The following EML4 variants were observed in gnomAD, a reference collection of about 807,000 sequenced individuals.
EML4 encodes echinoderm microtubule-associated protein-like 4.
A neutral mutation model predicts 129.0 loss-of-function variants in EML4; 72 were observed. The observed-to-expected ratio is 0.56, with a 90% CI of 0.46 to 0.68. The LOEUF (loss-of-function observed/expected upper bound fraction) is 0.68. Ranked by LOEUF, EML4 falls within the 30% of genes least tolerant of loss-of-function variation. The probability of loss-of-function intolerance (pLI) is 0.00; values close to 1 mark genes in which losing one functional copy is unlikely to be tolerated. For missense variants in EML4, 1,363 were observed against 1,190.6 expected, an observed-to-expected ratio of 1.14 and a Z score of -2.13; for synonymous variants, 532 against 405.0, an observed-to-expected ratio of 1.31 and a Z score of -3.77.
In EML4 at chr2:42,256,500, G is replaced by T. The variant is rs1310636824; in HGVS notation, c.209-1G>T. 1.3e-6 allele frequency: 2 copies of T among 1,587,800 alleles called. No individual in the cohort carries two copies. The highest frequency in any genetic ancestry group is 1.7e-6 in the Non-Finnish European group (2 of 1,168,746). On this transcript the variant is annotated splice_acceptor_variant, in intron 2 of 22. Transcript: ENST00000318522. LOFTEE classifies it high-confidence loss of function. ...TAATTTTTTTCCTTAATTATCTTTA[G>T]GCCAACCAAGCCCTCGAGCAGTTAT...
chr2:42,219,536 T>C (rs1673423162), intron 1 of EML4, among the ~76,000 whole-genome samples: 1 of 152,198 alleles, frequency 6.6e-6, no homozygotes, highest in Non-Finnish European at 1.5e-5. Context: ...GATTAGAAAA[T>C]GACATTTTGC....
rs185646518 is a variant in EML4, at chr2:42,256,225, G to C, written c.209-276G>C. 1.4e-4 allele frequency among the ~76,000 whole-genome samples: 22 copies of C among 152,254 alleles called. No individual in the cohort carries two copies. The East Asian group carries it at 3.5e-3, about 24-fold the overall frequency. On this transcript the variant is annotated intron_variant, in intron 2 of 22. Coordinates refer to ENST00000318522, the MANE Select transcript of EML4 (RefSeq NM_019063.5). ...GAATCATGTGTTATAAGGCTGCTGT[G>C]TGTGGTAAAGCAAACCATTTAGCTA...
At chr2:42,256,443 T>G (rs1448308276) in intron 2 of EML4, 58 bp from the exon 3 acceptor site, 6 of 1,512,276 alleles carry the variant, frequency 4.0e-6, no homozygotes, top group Non-Finnish European at 5.3e-6. Flanking sequence ...TTTTAAAATT[T>G]AGATCTTTAA....
chr2:42,304,567 G>C lies in EML4; in HGVS notation c.1967+16G>C, dbSNP rs115690499. 1,930 of 1,598,788 alleles carry C rather than the reference G, an allele frequency of 1.2e-3. 19 individuals carry two copies. The African/African-American group carries it at 0.023, about 19-fold the overall frequency. Reference sequence around the variant, plus strand: ...ACTCAGGCAGGTAGGGTCTTTAAGTGAACTGAGTAATCTGAAGTGGTGGGA... The same window carrying C: ...ACTCAGGCAGGTAGGGTCTTTAAGTCAACTGAGTAATCTGAAGTGGTGGGA... On this transcript the variant is annotated intron_variant, in intron 17 of 22. Transcript: ENST00000318522.
At chr2:42,234,907 A>G (rs1674562804) in intron 1 of EML4, among the ~76,000 whole-genome samples, 2 of 152,214 alleles carry the variant, frequency 1.3e-5, no homozygotes, top group South Asian at 4.1e-4. Context: ...TTGTAATCCC[A>G]ACACTTTGGG....
In EML4 at chr2:42,332,148, A is replaced by G. The variant is rs13375; in HGVS notation, c.*1941A>G. On this transcript the variant is annotated 3_prime_UTR_variant, in exon 23 of 23. Coordinates refer to ENST00000318522, the MANE Select transcript of EML4 (RefSeq NM_019063.5). ...TGACATGAACAGGCAGTTCTTGGAG[A>G]AGAAAGAGCATTTCTTTAAGTACCT... The G allele has an allele frequency of 0.18, 40,016 of 220,662 alleles. 4,285 individuals are homozygous for G. The highest frequency in any genetic ancestry group is 0.33 in the African/African-American group (14,761 of 44,608). The allele number at this position is 220,662 out of a possible 1,614,324, so 13.7% of individuals were successfully genotyped here.
rs759320760 is a variant in EML4 at position 42,280,861 on chromosome 2, A to G, written c.679A>G (p.Ile227Val). The G allele has an allele frequency of 3.7e-6, 6 of 1,608,228 alleles. No individual in the cohort carries two copies. The Admixed American group carries it at 8.6e-5, about 23-fold the overall frequency. ...TTGTGTTTCAACAGAAGGAGAATAT[A>G]TTAAAATGTTTATGCGCGGTCGGCC... Reference protein sequence around the residue: ...DVIINQEGEYIKMFMRGRPIT... With the variant: ...DVIINQEGEYVKMFMRGRPIT... The change falls in exon 7 of 23, where the codon ATT (isoleucine) becomes GTT (valine). Residue 227 changes from isoleucine to valine, a missense_variant. By Grantham distance (29) the Ile-to-Val change is conservative. Transcript: ENST00000318522.
chr2:42,281,031 G>C (rs1666976481), intron 7 of EML4, 58 bp downstream of exon 7: 5 of 1,327,076 alleles, frequency 3.8e-6, no homozygotes, highest in Non-Finnish European at 5.1e-6. Flanking sequence ...TAACAAATCA[G>C]TTAACGTATT....
chr2:42,232,137 C>T (rs1384173793), intron 1 of EML4, among the ~76,000 whole-genome samples: 2 of 152,050 alleles, frequency 1.3e-5, no homozygotes, highest in Non-Finnish European at 2.9e-5. Flanking sequence ...ATCATAGAAA[C>T]AGCTGAGACT....
chr2:42,326,410 C>A (rs1669813920), intron 21 of EML4, among the ~76,000 whole-genome samples, 158 bp downstream of exon 21: 2 of 152,204 alleles, frequency 1.3e-5, no homozygotes, highest in South Asian at 4.2e-4. Context: ...AGGATTGAAC[C>A]AACATGGGAT....
chr2:42,330,430 A>G lies in EML4; in HGVS notation c.*223A>G. On this transcript the variant is annotated 3_prime_UTR_variant, in exon 23 of 23. Coordinates refer to ENST00000318522, the MANE Select transcript of EML4 (RefSeq NM_019063.5). The stretch of plus-strand genomic sequence containing the variant: ...ATTAACCAAACTTAATACTAGGAGA[A>G]GACTGAATCATTAATGATGTCTCAC... 1 of 611,986 alleles carries G rather than the reference A, an allele frequency of 1.6e-6. No individual in the cohort carries two copies. Among genetic ancestry groups the G allele is most frequent in the East Asian group, 2.9e-5 (1 of 34,700 alleles). 37.9% of individuals were successfully genotyped at this position (611,986 alleles called of 1,614,324 possible). A position where few individuals can be genotyped will look rare whatever the true frequency, so the allele number is the denominator to read the frequency against.
chr2:42,199,393 G>A (rs1421339442), intron 1 of EML4, among the ~76,000 whole-genome samples: 2 of 152,178 alleles, frequency 1.3e-5, no homozygotes, highest in Non-Finnish European at 2.9e-5. Flanking sequence ...TATGTAATTT[G>A]GAGAGTGACT....
intron 17 of EML4, among the ~76,000 whole-genome samples, chr2:42,307,390 C>G (rs972051656): frequency 6.6e-6 from 1 of 152,148 alleles, no homozygotes; most frequent in East Asian, 1.9e-4. Flanking sequence ...TGCTGGCAGT[C>G]CATTTGGGGA....
At chr2:42,216,741 G>A (rs1673218190) in intron 1 of EML4, among the ~76,000 whole-genome samples, 1 of 152,144 alleles carries the variant, frequency 6.6e-6, no homozygotes, top group African/African-American at 2.4e-5. Context: ...TCACTGAATG[G>A]CTGGACTGCT....
At chr2:42,232,919 G>C (rs1012541809) in intron 1 of EML4, among the ~76,000 whole-genome samples, 1 of 152,064 alleles carries the variant, frequency 6.6e-6, no homozygotes, top group Admixed American at 6.6e-5. Context: ...TAGAGATGGG[G>C]TTTCACCGTG....
chr2:42,328,285 C>T (rs1025772823), intron 21 of EML4, among the ~76,000 whole-genome samples: 6 of 152,086 alleles, frequency 3.9e-5, no homozygotes, highest in South Asian at 2.1e-4. Flanking sequence ...AAATTATGTT[C>T]GACATGATCA....
At chr2:42,232,910 A>G (rs1430089586) in intron 1 of EML4, among the ~76,000 whole-genome samples, 1 of 152,064 alleles carries the variant, frequency 6.6e-6, no homozygotes, top group Non-Finnish European at 1.5e-5. Context: ...ATTTTTTAGT[A>G]GAGATGGGGT....
In EML4 at chr2:42,330,533, C is replaced by T; in HGVS notation, c.*326C>T. The T allele has an allele frequency of 2.2e-6, 1 of 461,538 alleles. No individual in the cohort carries two copies. Among genetic ancestry groups the T allele is most frequent in the East Asian group, 3.9e-5 (1 of 25,868 alleles). The allele number at this position is 461,538 out of a possible 1,614,324, so 28.6% of individuals were successfully genotyped here. ...AGTTGCATTGATTTTGAAAACAAACCCCCTTGTTATCTGAACATGTTTTCT... is the reference window on the plus strand; with the variant it reads ...AGTTGCATTGATTTTGAAAACAAACTCCCTTGTTATCTGAACATGTTTTCT... On this transcript the variant is annotated 3_prime_UTR_variant, in exon 23 of 23. Coordinates refer to ENST00000318522, the MANE Select transcript of EML4 (RefSeq NM_019063.5).
At chr2:42,260,670 A>G (rs550278863) in intron 3 of EML4, among the ~76,000 whole-genome samples, 1 of 152,366 alleles carries the variant, frequency 6.6e-6, no homozygotes, top group South Asian at 2.1e-4. Flanking sequence ...TGGTAAGTTT[A>G]AAACTCAATT....
Sources: gnomAD v4.1 joint callset for allele counts (sites outside exome capture counted in the v4.1 genomes callset) on GRCh38, gnomAD v4.1.1 for gene constraint, MANE v1.5 for transcripts, NCBI Gene and HGNC (gene_info 2026-07-23, HGNC 2026-07-21) for gene names.